Variants in NCOA6 observed in about 807,000 individuals in gnomAD.
The protein encoded by NCOA6 is nuclear receptor coactivator 6, also known as NRC RAP250.
Under a neutral mutation model 171.4 loss-of-function variants are expected in NCOA6, and 49 were observed. That is an observed-to-expected ratio of 0.29 (90% CI 0.23 to 0.36). The LOEUF is 0.36. Among genes scored for constraint, NCOA6 ranks in the 10% least tolerant of loss-of-function variants. NCOA6 has a pLI of 1.00. For missense variants in NCOA6, 2,248 were observed against 2,554.5 expected (o/e 0.88, Z 2.59); for synonymous variants, 910 against 927.5 (o/e 0.98, Z 0.34).
rs2076701010 is a variant in NCOA6, at chr20:34,758,001, G to C, written c.747C>G (p.Asn249Lys). 6.2e-7 allele frequency: 1 copy of C among 1,613,816 alleles called. No individual in the cohort carries two copies. Among genetic ancestry groups the C allele is most frequent in the Non-Finnish European group, 8.5e-7 (1 of 1,179,996 alleles). The change falls in exon 7 of 15, where the codon AAC (asparagine) becomes AAG (lysine). Residue 249 changes from asparagine (N) to lysine (K), a missense_variant. Physicochemically the swap from Asn to Lys is moderately conservative, Grantham distance 94. Around this residue, in one of 7 missense-constraint regions of NCOA6, gnomAD observed 987 missense variants for 1,104.7 expected, o/e 0.89. Transcript: ENST00000359003. ...PHHPMQPVSV[N>K]RQMNPANFPQ... ...GAAAATTAGCTGGGTTCATTTGTCT[G>C]TTCACAGAGACAGGCTGCATTGGGT...
intron 1 of NCOA6, among the ~76,000 whole-genome samples, chr20:34,812,808 G>A (rs1401125263): frequency 6.6e-6 from 1 of 152,092 alleles, no homozygotes; most frequent in Non-Finnish European, 1.5e-5. Context: ...TTGAGCCTAC[G>A]AGTTTGAGAC....
At chr20:34,755,376 TC>T (rs1441687369) in intron 7 of NCOA6, among the ~76,000 whole-genome samples, 1 of 152,182 alleles carries the variant, frequency 6.6e-6, no homozygotes, top group Non-Finnish European at 1.5e-5. Context: ...GCAGAAAATT[TC>T]CCCCCATTAT....
chr20:34,753,962 T>G (rs933514566), intron 8 of NCOA6, among the ~76,000 whole-genome samples: 2 of 152,348 alleles, frequency 1.3e-5, no homozygotes, highest in Non-Finnish European at 2.9e-5. Flanking sequence ...CATGTGGTCC[T>G]TAAGCAACCA....
chr20:34,724,891 C>A (rs1286663919), intron 14 of NCOA6, among the ~76,000 whole-genome samples: 5 of 151,824 alleles, frequency 3.3e-5, no homozygotes, highest in African/African-American at 1.2e-4. Flanking sequence ...TGGATTCAAG[C>A]AATTCTCCTG....
intron 11 of NCOA6, 51 bp downstream of exon 11, chr20:34,740,312 T>C (rs569980560): frequency 2.5e-4 from 395 of 1,567,134 alleles, no homozygotes; most frequent in Non-Finnish European, 3.4e-4. Flanking sequence ...CTTGTGGGAT[T>C]AGGTCATCAA....
intron 8 of NCOA6, 99 bp from the exon 9 acceptor site, chr20:34,750,618 C>T (rs2076445545): frequency 1.6e-6 from 2 of 1,241,916 alleles, no homozygotes; most frequent in Non-Finnish European, 2.2e-6. Flanking sequence ...ATCCATCACC[C>T]TTATATCCAC....
At chr20:34,747,408 A>G (rs1600834810) in intron 9 of NCOA6, among the ~76,000 whole-genome samples, 1 of 152,232 alleles carries the variant, frequency 6.6e-6, no homozygotes, top group East Asian at 1.9e-4. Context: ...CAGAGAACAA[A>G]GAAAGATTGA....
At chr20:34,805,794 T>G (rs886866120) in intron 1 of NCOA6, among the ~76,000 whole-genome samples, 3 of 151,862 alleles carry the variant, frequency 2.0e-5, no homozygotes, top group Non-Finnish European at 4.4e-5. Flanking sequence ...GTTCAAGAGA[T>G]TCTCCTGCCT....
intron 7 of NCOA6, among the ~76,000 whole-genome samples, chr20:34,755,938 T>C (rs2076628190): frequency 6.6e-6 from 1 of 152,146 alleles, no homozygotes; most frequent in Non-Finnish European, 1.5e-5. Context: ...GGTTTCACCA[T>C]GTTGGCCAGG....
intron 13 of NCOA6, among the ~76,000 whole-genome samples, chr20:34,730,985 G>A (rs1990543122): frequency 6.6e-6 from 1 of 151,880 alleles, no homozygotes; most frequent in African/African-American, 2.4e-5. Flanking sequence ...GGGAGTACAG[G>A]TGTGAGCCAC....
chr20:34,727,952 T>G (rs1250155632), intron 13 of NCOA6, among the ~76,000 whole-genome samples: 1 of 152,058 alleles, frequency 6.6e-6, no homozygotes, highest in Non-Finnish European at 1.5e-5. Context: ...CTTAAACTCC[T>G]GACCTCAAGT....
In NCOA6 at chr20:34,741,972, C is replaced by T. The variant is rs745492504; in HGVS notation, c.4284G>A (p.Gln1428=). ...CCTGTTCCTTCCTACTCTGGGAATT[C>T]TGGCAATCACTGTCCTGAGGCACAT... ...SLNVPQDSDC[Q]NSQSRKEQVN... The change falls in exon 11 of 15, where the codon CAG becomes CAA. Residue 1428 remains glutamine, a synonymous_variant. Coordinates refer to ENST00000359003, the MANE Select transcript of NCOA6 (RefSeq NM_014071.5). 4 of 1,614,064 alleles carry T rather than the reference C, an allele frequency of 2.5e-6. No homozygotes were observed.
At position 34,741,137 on chromosome 20, in the gene NCOA6, T is replaced by G. The variant is rs376737608; in HGVS notation, c.5119A>C (p.Lys1707Gln). 2.5e-6 allele frequency: 4 copies of G among 1,614,078 alleles called. No homozygotes were observed. The African/African-American group carries it at 5.3e-5, about 22-fold the overall frequency. The part of the protein sequence containing the change: ...VGPLHIPQNI[K>Q]FSSAPVPPNA... ...GGCGGTACAGGAGCAGAAGAAAATT[T>G]TATGTTCTGAGGTATGTGTAAAGGG... Residue 1707 changes from lysine to glutamine, a missense_variant, in exon 11 of 15, where the codon AAA becomes CAA. This residue lies in a region of NCOA6 where 884 missense variants were observed against 941.9 expected (regional missense o/e 0.94). Coordinates refer to ENST00000359003, the MANE Select transcript of NCOA6 (RefSeq NM_014071.5).
chr20:34,732,475 G>C, intron 13 of NCOA6, 84 bp downstream of exon 13: 6 of 1,315,322 alleles, frequency 4.6e-6, no homozygotes, highest in African/African-American at 1.5e-5. Context: ...AAGGTGAAGA[G>C]AGGTTTAAAG....
chr20:34,790,054 G>C lies in NCOA6; in HGVS notation c.-50+2396C>G, dbSNP rs540439156. 5.4e-5 allele frequency among the ~76,000 whole-genome samples: 8 copies of C among 148,592 alleles called. No individual in the cohort carries two copies. In the East Asian group the frequency reaches 1.6e-3, roughly 29 times the overall value. On this transcript the variant is annotated intron_variant, in intron 2 of 14. Coordinates refer to ENST00000359003, the MANE Select transcript of NCOA6 (RefSeq NM_014071.5). Reference sequence around the variant, plus strand: ...GTTCGAGACCAGCCTGGCCAACGTGGCAAATCCCATTTCTACTATTAAAAA... The same window carrying C: ...GTTCGAGACCAGCCTGGCCAACGTGCCAAATCCCATTTCTACTATTAAAAA...
At chr20:34,796,003 ATTTTTT>A (rs569229378) in intron 1 of NCOA6, among the ~76,000 whole-genome samples, 3 of 95,766 alleles carry the variant, frequency 3.1e-5, no homozygotes, top group South Asian at 3.5e-4. Flanking sequence ...ATATGTTTGA[ATTTTTT>A]TTTTTTTTTT....
At chr20:34,789,832 A>G (rs2077812902) in intron 2 of NCOA6, among the ~76,000 whole-genome samples, 1 of 152,224 alleles carries the variant, frequency 6.6e-6, no homozygotes, top group South Asian at 2.1e-4. Context: ...TAAATGTCAA[A>G]GTGTTATAGT....
intron 8 of NCOA6, among the ~76,000 whole-genome samples, chr20:34,751,995 C>G (rs771588524): frequency 6.6e-6 from 1 of 152,096 alleles, no homozygotes; most frequent in Non-Finnish European, 1.5e-5. Flanking sequence ...GTAGCTGAAA[C>G]TAGAAGCGCA....
At chr20:34,759,072 C>T in intron 5 of NCOA6, 139 bp from the exon 6 acceptor site, 1 of 892,516 alleles carries the variant, frequency 1.1e-6, no homozygotes, top group African/African-American at 1.7e-5. Context: ...GCCCAGTCTG[C>T]CAAGTGGCAC....
Sources: allele counts gnomAD v4.1 joint callset (sites outside exome capture counted in the v4.1 genomes callset), GRCh38; gene constraint gnomAD v4.1.1; regional missense constraint gnomAD v4.1.1; transcripts MANE v1.5; gene names NCBI Gene and HGNC (gene_info 2026-07-23, HGNC 2026-07-21).